The following CEP135 variants were observed in gnomAD, a reference collection of about 807,000 sequenced individuals.
CEP135 encodes the protein centrosomal protein 135.
A neutral mutation model predicts 157.3 loss-of-function variants in CEP135; 142 were observed. The ratio of observed to expected loss-of-function variants is 0.90; its 90% confidence interval spans 0.79 to 1.04. The LOEUF (loss-of-function observed/expected upper bound fraction) is 1.04, where lower values mean the gene tolerates loss of function less well. Ranked by LOEUF, CEP135 falls within the 50% of genes least tolerant of loss-of-function variation. CEP135 has a pLI of 0.00. For synonymous variants in CEP135, 396 were observed against 439.8 expected, an observed-to-expected ratio of 0.90 and a Z score of 1.25; for missense variants, 1,317 against 1,309.2, an observed-to-expected ratio of 1.01 and a Z score of -0.09.
Position 55,971,405 on chromosome 4 carries a change from A to G in CEP135, c.1246A>G (p.Thr416Ala), listed in dbSNP as rs1237036644. Residue 416 changes from threonine (T) to alanine (A), a missense_variant, in exon 10 of 26, where the codon ACA (threonine) becomes GCA (alanine). By Grantham distance (58) the Thr-to-Ala change is moderately conservative (BLOSUM62 0). Transcript: ENST00000257287. ...LSKKVESFAV[T>A]ERQLTLEVER... is the part of the protein sequence containing the mutation. ...CAAAAAAGTTGAAAGTTTTGCAGTT[A>G]CAGGTAAGATGTCAAATTTTGATAG... 1.8e-5 allele frequency: 28 copies of G among 1,591,534 alleles called. No homozygotes were observed. Among genetic ancestry groups the G allele is most frequent in the Non-Finnish European group, 2.1e-5 (25 of 1,173,448 alleles).
At chr4:55,963,413 T>C (rs1728744385) in intron 6 of CEP135, among the ~76,000 whole-genome samples, 1 of 152,184 alleles carries the variant, frequency 6.6e-6, no homozygotes, top group South Asian at 2.1e-4. Context: ...TTTTGTTGCT[T>C]TTTGGTATGT....
chr4:55,958,331 AG>A (rs1728568663), intron 5 of CEP135, among the ~76,000 whole-genome samples: 1 of 152,154 alleles, frequency 6.6e-6, no homozygotes, highest in African/African-American at 2.4e-5. Flanking sequence ...GCTACTTAGG[AG>A]GCTGAGGTAG....
intron 24 of CEP135, among the ~76,000 whole-genome samples, chr4:56,023,724 T>C (rs1731050764): frequency 7.0e-6 from 1 of 143,872 alleles, no homozygotes; most frequent in Non-Finnish European, 1.5e-5. Flanking sequence ...ATATGTAATA[T>C]ATATTGTATC....
At chr4:55,968,716 A>G (rs1728921592) in intron 8 of CEP135, among the ~76,000 whole-genome samples, 1 of 152,158 alleles carries the variant, frequency 6.6e-6, no homozygotes, top group Non-Finnish European at 1.5e-5. Context: ...TATAGAGAGG[A>G]TCCAGGTTGG....
rs764769175 is a variant in CEP135 at position 56,012,017 on chromosome 4, AT to A, written c.2802+35del. ...TATTTATTTGTTTTGTAAAGATGTT[AT>A]TTAGTGAAACAGAAAACATTCAAAG... On this transcript the variant is annotated intron_variant, in intron 21 of 25. Transcript: ENST00000257287. 2.3e-5 allele frequency: 29 copies of A among 1,256,828 alleles called. No individual in the cohort carries two copies. In the African/African-American group the frequency reaches 4.2e-4, roughly 18 times the overall value. 77.9% of individuals were successfully genotyped at this position (1,256,828 alleles called of 1,614,324 possible).
At position 55,980,321 on chromosome 4, in the gene CEP135, A is replaced by G. The variant is rs1396641935; in HGVS notation, c.1626+26A>G. On this transcript the variant is annotated intron_variant, in intron 12 of 25. Transcript: ENST00000257287. ...GTAAGAAATGTATTATAATTAAGCC[A>G]ATAGATTGTATAGAACCAGTTAACT... 2.1e-6 allele frequency: 3 copies of G among 1,414,892 alleles called. No homozygotes were observed. In the East Asian group the frequency reaches 6.9e-5, roughly 32 times the overall value. 87.6% of individuals were successfully genotyped at this position (1,414,892 alleles called of 1,614,324 possible). A position where few individuals can be genotyped will look rare whatever the true frequency, so the allele number is the denominator to read the frequency against.
chr4:55,961,081 G>A (rs1218631403), intron 6 of CEP135, among the ~76,000 whole-genome samples: 1 of 148,922 alleles, frequency 6.7e-6, no homozygotes, highest in Non-Finnish European at 1.5e-5. Context: ...ACTCCAGCCT[G>A]GGTGACAGAG....
intron 19 of CEP135, 44 bp downstream of exon 19, chr4:56,009,947 T>C (rs766579513): frequency 6.5e-7 from 1 of 1,548,468 alleles, no homozygotes; most frequent in South Asian, 1.2e-5. Flanking sequence ...ATACTTTCCA[T>C]TGTTTGCTAA....
chr4:55,953,638 A>C (rs1209694441), intron 3 of CEP135, among the ~76,000 whole-genome samples: 1 of 152,214 alleles, frequency 6.6e-6, no homozygotes. Context: ...ATGTGGATTA[A>C]ATTTTTAGAA....
intron 21 of CEP135, among the ~76,000 whole-genome samples, chr4:56,013,997 T>C (rs1730683272): frequency 1.3e-5 from 2 of 152,138 alleles, no homozygotes; most frequent in African/African-American, 2.4e-5. Flanking sequence ...TAGAGTGATA[T>C]GTGTAGAAGT....
intron 4 of CEP135, among the ~76,000 whole-genome samples, chr4:55,955,650 C>T (rs1362878812): frequency 6.6e-6 from 1 of 152,176 alleles, no homozygotes; most frequent in Admixed American, 6.5e-5. Context: ...CGGAGAGATT[C>T]AAGATGTATA....
chr4:55,965,955 GTTTAT>G, intron 8 of CEP135, 96 bp downstream of exon 8: 1 of 1,080,388 alleles, frequency 9.3e-7, no homozygotes, highest in Non-Finnish European at 1.3e-6. Context: ...CAGGTTTTTG[GTTTAT>G]TTTGTGTGTC....
chr4:55,954,474 T>A, intron 4 of CEP135, 91 bp downstream of exon 4: 5 of 1,131,430 alleles, frequency 4.4e-6, no homozygotes, highest in African/African-American at 1.6e-5. Context: ...TGGATTGGAT[T>A]TTCATGCTTA....
intron 1 of CEP135, among the ~76,000 whole-genome samples, chr4:55,950,874 G>A (rs2097204140): frequency 1.3e-5 from 2 of 152,070 alleles, no homozygotes; most frequent in African/African-American, 4.8e-5. Flanking sequence ...CCCAATCAAT[G>A]TAATATTTTC....
intron 8 of CEP135, among the ~76,000 whole-genome samples, chr4:55,968,836 T>A (rs759609396): frequency 6.6e-6 from 1 of 152,190 alleles, no homozygotes; most frequent in Admixed American, 6.5e-5. Context: ...GATGCTCAAG[T>A]GGCCTTCTTC....
At chr4:55,961,139 C>G (rs1728667560) in intron 6 of CEP135, among the ~76,000 whole-genome samples, 1 of 150,716 alleles carries the variant, frequency 6.6e-6, no homozygotes, top group African/African-American at 2.4e-5. Context: ...TAATGTCAAC[C>G]CCAAAAACCT....
chr4:56,023,674 AAT>A (rs1199887416), intron 24 of CEP135, among the ~76,000 whole-genome samples: 1 of 140,556 alleles, frequency 7.1e-6, no homozygotes, highest in East Asian at 2.2e-4. Flanking sequence ...ATACTAATAT[AAT>A]ATATATCACA....
intron 2 of CEP135, chr4:55,952,563 T>A (rs892470522): frequency 2.0e-5 from 4 of 199,500 alleles, no homozygotes; most frequent in African/African-American, 9.2e-5. Context: ...TTAAGTTCTA[T>A]GTCTGCTTCA....
At chr4:55,970,559 T>C (rs1372805244) in intron 9 of CEP135, among the ~76,000 whole-genome samples, 1 of 152,228 alleles carries the variant, frequency 6.6e-6, no homozygotes, top group Non-Finnish European at 1.5e-5. Flanking sequence ...ATTTTTGCTG[T>C]TTGTTCACTG....
Sources: gnomAD v4.1 joint callset for allele counts (sites outside exome capture counted in the v4.1 genomes callset) on GRCh38, gnomAD v4.1.1 for gene constraint, MANE v1.5 for transcripts, NCBI Gene and HGNC (gene_info 2026-07-23, HGNC 2026-07-21) for gene names.